Variants in SNX29 observed in about 807,000 individuals in gnomAD.
The protein encoded by SNX29 is sorting nexin-29.
SNX29 carries 78 observed loss-of-function variants against 102.1 expected under a neutral mutation model. That is an observed-to-expected ratio of 0.76 (90% confidence interval 0.64 to 0.92). The LOEUF (loss-of-function observed/expected upper bound fraction) is 0.92. Among genes scored for constraint, SNX29 ranks in the 40% least tolerant of loss-of-function variants. The pLI is 0.00. For synonymous variants in SNX29, 580 were observed against 414.5 expected (o/e 1.40, Z -4.85); for missense variants, 1,280 against 1,061.7 (o/e 1.21, Z -2.86).
chr16:12,077,677 G>C (rs923627660), intron 10 of SNX29, among the ~76,000 whole-genome samples: 15 of 152,104 alleles, frequency 9.9e-5, no homozygotes, highest in Non-Finnish European at 1.5e-4. Flanking sequence ...CTGGAGTGCA[G>C]TGGCGTGATC....
At chr16:12,396,917 A>G (rs2083744357) in intron 16 of SNX29, among the ~76,000 whole-genome samples, 1 of 152,174 alleles carries the variant, frequency 6.6e-6, no homozygotes, top group East Asian at 1.9e-4. Context: ...AACTTTCTTT[A>G]TTTTTTTGAA....
rs148821650 is a variant in SNX29, at chr16:12,281,348, TAC to T, written c.1782+3317_1782+3318del. ...GAAAGCCAACTCATCTATCTGCACA[TAC>T]ACACTACACATTTGTGCTTGGTGAC... On this transcript the variant is annotated intron_variant, in intron 15 of 20. Transcript: ENST00000566228. 2.2e-3 allele frequency among the ~76,000 whole-genome samples: 337 copies of T among 152,336 alleles called. 7 individuals carry two copies. In the East Asian group the frequency reaches 0.039, roughly 18 times the overall value.
At chr16:12,294,548 G>A (rs1251595971) in intron 15 of SNX29, among the ~76,000 whole-genome samples, 5 of 152,182 alleles carry the variant, frequency 3.3e-5, no homozygotes, top group Admixed American at 6.5e-5. Context: ...TCTGTCTGTA[G>A]CATTCTGGAT....
At chr16:12,549,463 C>G (rs970134979) in intron 20 of SNX29, among the ~76,000 whole-genome samples, 2 of 150,024 alleles carry the variant, frequency 1.3e-5, no homozygotes, top group East Asian at 2.1e-4. Context: ...CCATTGAACT[C>G]CAGCGTGGGC....
At chr16:12,365,926 C>G (rs1318311447) in intron 16 of SNX29, among the ~76,000 whole-genome samples, 1 of 150,748 alleles carries the variant, frequency 6.6e-6, no homozygotes, top group African/African-American at 2.4e-5. Flanking sequence ...CTTGTAGTCC[C>G]AGCTACTCGG....
At chr16:12,084,626 C>T (rs1227025519) in intron 11 of SNX29, among the ~76,000 whole-genome samples, 1 of 152,166 alleles carries the variant, frequency 6.6e-6, no homozygotes, top group East Asian at 1.9e-4. Flanking sequence ...GGAAGCTCAG[C>T]TGCCTGGGCT....
rs79449182 is a variant in SNX29 at position 12,419,549 on chromosome 16, G to A, written c.2037+16020G>A. The stretch of plus-strand genomic sequence containing the variant: ...ACAGCTTGAATTTTAGGGGCTTAGT[G>A]TCATCAGACTCAGCCCCCCCCCCCA... On this transcript the variant is annotated intron_variant, in intron 18 of 20. Coordinates refer to ENST00000566228, the MANE Select transcript of SNX29 (RefSeq NM_032167.5). Among the ~76,000 whole-genome samples the A allele has an allele frequency of 9.4e-3, 1,315 of 140,228 alleles. 27 individuals are homozygous for A. The highest frequency in any genetic ancestry group is 0.032 in the African/African-American group (1,234 of 38,204). The allele number at this position is 140,228 out of a possible 152,430, so 92.0% of individuals were successfully genotyped here. A position where few individuals can be genotyped will look rare whatever the true frequency, so the allele number is the denominator to read the frequency against.
At chr16:12,047,704 C>T (rs1323104417) in intron 6 of SNX29, among the ~76,000 whole-genome samples, 1 of 146,258 alleles carries the variant, frequency 6.8e-6, no homozygotes, top group Non-Finnish European at 1.5e-5. Context: ...GTTGCCCAGG[C>T]TGGAGTGCAA....
chr16:12,516,162 G>A (rs1210468114), intron 19 of SNX29, among the ~76,000 whole-genome samples: 2 of 152,088 alleles, frequency 1.3e-5, no homozygotes, highest in Admixed American at 6.5e-5. Context: ...AAGAAGAAAC[G>A]GGGTTGGTGA....
Position 12,569,403 on chromosome 16 carries a change from C to G in SNX29, c.*774C>G. 1 of 230,920 alleles carries G rather than the reference C, an allele frequency of 4.3e-6. No homozygotes were observed. Among genetic ancestry groups the G allele is most frequent in the East Asian group, 6.1e-5 (1 of 16,292 alleles). 14.3% of individuals were successfully genotyped at this position (230,920 alleles called of 1,614,324 possible). On this transcript the variant is annotated 3_prime_UTR_variant, in exon 21 of 21. Coordinates refer to ENST00000566228, the MANE Select transcript of SNX29 (RefSeq NM_032167.5). ...CATCTGGCCCAGCCATCAGCAGCAA[C>G]CTAGTAACCCGGCGTCATCCAGCGT...
chr16:12,046,884 A>G (rs1392446820), intron 6 of SNX29, among the ~76,000 whole-genome samples: 1 of 152,142 alleles, frequency 6.6e-6, no homozygotes, highest in Non-Finnish European at 1.5e-5. Context: ...CTCCCAAAGC[A>G]TTGGGATTGC....
chr16:12,153,174 G>GA (rs1460595201), intron 13 of SNX29, among the ~76,000 whole-genome samples: 24 of 152,338 alleles, frequency 1.6e-4, no homozygotes, highest in Admixed American at 7.2e-4. Flanking sequence ...AAGGCAGGAA[G>GA]ATCGCTTGAG....
In SNX29 at chr16:12,046,370, C is replaced by T. The variant is rs1430102991; in HGVS notation, c.429-14C>T. 1 of 1,613,184 alleles carries T rather than the reference C, an allele frequency of 6.2e-7. No individual in the cohort carries two copies. The highest frequency in any genetic ancestry group is 1.3e-5 in the African/African-American group (1 of 75,028). ...ACTGCTAAGAACGATTTCCTTTTCT[C>T]TTTCAATCTGCAGCACTTTTTATGA... On this transcript the variant is annotated splice_polypyrimidine_tract_variant and intron_variant, in intron 5 of 20. Coordinates refer to ENST00000566228, the MANE Select transcript of SNX29 (RefSeq NM_032167.5).
At chr16:12,083,412 G>A (rs2052008985) in intron 11 of SNX29, among the ~76,000 whole-genome samples, 1 of 151,882 alleles carries the variant, frequency 6.6e-6, no homozygotes, top group South Asian at 2.1e-4. Context: ...CTCTTTCCTT[G>A]GCTTGCAGAC....
At chr16:12,002,010 A>C (rs1413188659) in intron 2 of SNX29, among the ~76,000 whole-genome samples, 2 of 84,574 alleles carry the variant, frequency 2.4e-5, no homozygotes, top group East Asian at 5.7e-4. Flanking sequence ...ACAGAGAGAG[A>C]CCCTATTTTT....
intron 20 of SNX29, among the ~76,000 whole-genome samples, chr16:12,558,526 A>G (rs542965980): frequency 1.4e-4 from 22 of 152,302 alleles, no homozygotes; most frequent in African/African-American, 4.6e-4. Flanking sequence ...TACCCCAGGG[A>G]TGCACACACC....
intron 18 of SNX29, among the ~76,000 whole-genome samples, chr16:12,463,817 A>AGTGTGTGTGTGT (rs143006476): frequency 0.01 from 1,473 of 143,358 alleles, 11 homozygotes; most frequent in Middle Eastern, 0.033. Context: ...TCCCGAAGTG[A>AGTGTGTGTGTGT]GTGTGTGTGT....
At chr16:11,985,473 A>T (rs761660276) in intron 1 of SNX29, among the ~76,000 whole-genome samples, 11 of 152,176 alleles carry the variant, frequency 7.2e-5, no homozygotes, top group Non-Finnish European at 1.6e-4. Context: ...GCTTAGCTGG[A>T]TCCACGTGTT....
At chr16:12,135,529 C>CTCTTTGCTATTTTGTTGGCAGCTA in intron 13 of SNX29, 3 of 1,320,514 alleles carry the variant, frequency 2.3e-6, no homozygotes, top group Non-Finnish European at 3.0e-6. Flanking sequence ...CCAGCCAGTT[C>CTCTTTGCTATTTTGTTGGCAGCTA]TCTTTGCTAT....
Sources: gnomAD v4.1 joint callset for allele counts (sites outside exome capture counted in the v4.1 genomes callset) on GRCh38, gnomAD v4.1.1 for gene constraint, MANE v1.5 for transcripts, NCBI Gene and HGNC (gene_info 2026-07-23, HGNC 2026-07-21) for gene names.